PALM2AKAP2: variants seen among roughly 807,000 people sequenced by gnomAD.
PALM2AKAP2 encodes PALM2 and AKAP2 fusion.
In PALM2AKAP2, 37 loss-of-function variants were observed where a neutral mutation model predicts 71.5. The observed-to-expected ratio is 0.52, with a 90% confidence interval of 0.40 to 0.68. The LOEUF is 0.68. Ranked by LOEUF, PALM2AKAP2 falls within the 30% of genes least tolerant of loss-of-function variation. The probability of loss-of-function intolerance (pLI) is 0.00; values close to 1 mark genes in which losing one functional copy is unlikely to be tolerated. For synonymous variants in PALM2AKAP2, 468 were observed against 478.8 expected (o/e 0.98, Z 0.29); for missense variants, 1,224 against 1,191.8 (o/e 1.03, Z -0.40).
intron 6 of PALM2AKAP2, among the ~76,000 whole-genome samples, chr9:110,014,489 C>A (rs1229582038): frequency 6.6e-6 from 1 of 151,676 alleles, no homozygotes; most frequent in Admixed American, 6.6e-5. Context: ...TATACACTTG[C>A]CAGTTGGGCA....
At chr9:109,649,296 C>T (rs1186928059) in intron 1 of PALM2AKAP2, among the ~76,000 whole-genome samples, 1 of 151,930 alleles carries the variant, frequency 6.6e-6, no homozygotes, top group Non-Finnish European at 1.5e-5. Context: ...CATCTATTAC[C>T]CATTGCTCTC....
chr9:109,794,228 T>G (rs1684033404), intron 1 of PALM2AKAP2, among the ~76,000 whole-genome samples: 1 of 152,196 alleles, frequency 6.6e-6, no homozygotes, highest in African/African-American at 2.4e-5. Flanking sequence ...TCCTTTGCTA[T>G]CTAAGCCAAC....
chr9:109,780,306 G>T, upstream of PALM2AKAP2: 1 of 1,338,096 alleles, frequency 7.5e-7, no homozygotes, highest in Non-Finnish European at 9.6e-7. Context: ...GCCAGAGGCT[G>T]AGCCCGGGCG....
chr9:109,747,193 AG>A (rs1828815710), intron 1 of PALM2AKAP2, among the ~76,000 whole-genome samples: 1 of 152,316 alleles, frequency 6.6e-6, no homozygotes, highest in Non-Finnish European at 1.5e-5. Flanking sequence ...GTGCCCAAAA[AG>A]GCCACCAGCA....
chr9:110,025,399 C>CTTTTTTTT (rs34276135), intron 7 of PALM2AKAP2: 1 of 670,354 alleles, frequency 1.5e-6, no homozygotes, highest in Non-Finnish European at 2.6e-6. Context: ...GCCCGAAAGG[C>CTTTTTTTT]TTTTTTTTTT....
chr9:109,977,607 G>A (rs766556272), intron 6 of PALM2AKAP2, among the ~76,000 whole-genome samples: 7 of 152,206 alleles, frequency 4.6e-5, no homozygotes, highest in Non-Finnish European at 8.8e-5. Flanking sequence ...TTAGTCAGGA[G>A]TCTTTGGGTT....
chr9:110,064,456 G>C (rs1458561353), intron 1 of PALM2AKAP2, among the ~76,000 whole-genome samples: 1 of 152,186 alleles, frequency 6.6e-6, no homozygotes, highest in Admixed American at 6.5e-5. Flanking sequence ...GAGGGCTCAA[G>C]TGAGTCCAGG....
chr9:109,941,389 G>A (rs1466880830), intron 6 of PALM2AKAP2, among the ~76,000 whole-genome samples: 1 of 152,090 alleles, frequency 6.6e-6, no homozygotes, highest in Non-Finnish European at 1.5e-5. Flanking sequence ...GTGAGGAGAT[G>A]GATGAGATAT....
intron 1 of PALM2AKAP2, among the ~76,000 whole-genome samples, chr9:109,863,984 A>T (rs1829379713): frequency 6.6e-6 from 1 of 152,050 alleles, no homozygotes; most frequent in Non-Finnish European, 1.5e-5. Context: ...GGAGGCTGAC[A>T]CAGGGAAATT....
At chr9:109,741,189 C>G (rs1211355001) in intron 1 of PALM2AKAP2, among the ~76,000 whole-genome samples, 1 of 152,140 alleles carries the variant, frequency 6.6e-6, no homozygotes, top group Non-Finnish European at 1.5e-5. Context: ...ATTTCTATCA[C>G]TATTCTGGAA....
intron 6 of PALM2AKAP2, among the ~76,000 whole-genome samples, chr9:109,941,181 C>G (rs369333244): frequency 1.0e-4 from 15 of 144,058 alleles, no homozygotes; most frequent in Non-Finnish European, 1.8e-4. Flanking sequence ...AAGAAACAAC[C>G]CTTTACAAGT....
At chr9:109,641,183 G>A (rs189762686) in intron 1 of PALM2AKAP2, among the ~76,000 whole-genome samples, 142 of 152,344 alleles carry the variant, frequency 9.3e-4, no homozygotes, top group Middle Eastern at 3.4e-3. Context: ...CCGCTTATCG[G>A]GGAGTTGGCC....
At chr9:109,823,525 G>A (rs1436446741) in intron 1 of PALM2AKAP2, among the ~76,000 whole-genome samples, 1 of 152,224 alleles carries the variant, frequency 6.6e-6, no homozygotes, top group Non-Finnish European at 1.5e-5. Flanking sequence ...ATGGGAGGGG[G>A]ATAGGTGTGT....
exon 1 of PALM2AKAP2, chr9:110,048,800 G>A (rs1181522466): frequency 9.1e-6 from 14 of 1,533,784 alleles, no homozygotes; most frequent in Non-Finnish European, 1.0e-5. Context: ...GCGGCCGCGC[G>A]GCGCTGGACT....
intron 6 of PALM2AKAP2, chr9:109,943,270 A>G (rs970656039): frequency 1.9e-6 from 3 of 1,614,226 alleles, no homozygotes; most frequent in Non-Finnish European, 2.5e-6. Context: ...GGACGTGTCC[A>G]CTATTGACGG....
chr9:109,768,602 C>T (rs1247618785), intron 1 of PALM2AKAP2, among the ~76,000 whole-genome samples: 2 of 152,326 alleles, frequency 1.3e-5, no homozygotes, highest in South Asian at 2.1e-4. Flanking sequence ...TAGTTCCACA[C>T]AGTCACATAC....
chr9:110,127,967 GAGCATATAGCTCTGC>G (rs1261832238), intron 1 of PALM2AKAP2: 1 of 152,274 alleles, frequency 6.6e-6, no homozygotes, highest in Non-Finnish European at 1.5e-5. Flanking sequence ...CCCAGGCTGA[GAGCATATAGCTCTGC>G]AGGGTCCCAG....
intron 1 of PALM2AKAP2, among the ~76,000 whole-genome samples, chr9:109,741,599 T>G (rs1398895406): frequency 6.6e-6 from 1 of 152,250 alleles, no homozygotes; most frequent in Non-Finnish European, 1.5e-5. Flanking sequence ...GCTTCCATTG[T>G]TCCACATGTT....
chr9:109,657,944 G>GTGTGTT (rs1405480835), intron 1 of PALM2AKAP2, among the ~76,000 whole-genome samples: 287 of 119,578 alleles, frequency 2.4e-3, no homozygotes, highest in African/African-American at 8.7e-3. Flanking sequence ...GTGTTTGTGT[G>GTGTGTT]TGTGTGTGTG....
Sources: gnomAD v4.1 joint callset for allele counts (sites outside exome capture counted in the v4.1 genomes callset) on GRCh38, gnomAD v4.1.1 for gene constraint, MANE v1.5 for transcripts, NCBI Gene and HGNC (gene_info 2026-07-23, HGNC 2026-07-21) for gene names.